Variants in KLHDC4 observed in about 807,000 individuals in gnomAD.
The protein encoded by KLHDC4 is kelch domain-containing protein 4.
Under a neutral mutation model 62.4 loss-of-function variants are expected in KLHDC4, and 90 were observed. That is an observed-to-expected ratio of 1.44 (90% CI 1.22 to 1.72). The LOEUF is 1.72. Ranked by LOEUF, KLHDC4 falls within the 40% of genes most tolerant of loss-of-function variation. The probability of loss-of-function intolerance (pLI) is 0.00; values close to 1 mark genes in which losing one functional copy is unlikely to be tolerated. For missense variants in KLHDC4, 1,025 were observed against 699.7 expected (o/e 1.47, Z -5.25); for synonymous variants, 386 against 284.4 (o/e 1.36, Z -3.59).
intron 7 of KLHDC4, among the ~76,000 whole-genome samples, chr16:87,725,853 C>G (rs2039275652): frequency 2.0e-5 from 3 of 152,150 alleles, no homozygotes; most frequent in Non-Finnish European, 4.4e-5. Context: ...GCACTGTTCT[C>G]AGGTTACCAA....
At position 87,755,296 on chromosome 16, in the gene KLHDC4, C is replaced by T. The variant is rs745374592; in HGVS notation, c.271-4G>A. On this transcript the variant is annotated splice_region_variant and splice_polypyrimidine_tract_variant and intron_variant, in intron 3 of 11. Coordinates refer to ENST00000270583, the MANE Select transcript of KLHDC4 (RefSeq NM_017566.4). The stretch of plus-strand genomic sequence containing the variant: ...AGAGCTCGTTATACAAAAAAGTCTA[C>T]AGGAAGGAAGAAGAATGTCAGTGTC... 3 of 1,530,118 alleles carry T rather than the reference C, an allele frequency of 2.0e-6. No homozygotes were observed. The highest frequency in any genetic ancestry group is 2.7e-5 in the African/African-American group (2 of 73,140). 94.8% of individuals were successfully genotyped at this position (1,530,118 alleles called of 1,614,324 possible). A position where few individuals can be genotyped will look rare whatever the true frequency, so the allele number is the denominator to read the frequency against.
At chr16:87,719,168 G>C (rs1002254299) in intron 7 of KLHDC4, among the ~76,000 whole-genome samples, 2 of 152,262 alleles carry the variant, frequency 1.3e-5, no homozygotes, top group African/African-American at 2.4e-5. Context: ...TCTGGGAGGA[G>C]TACCCAACAG....
At chr16:87,752,338 CT>C (rs564903141) in intron 4 of KLHDC4, among the ~76,000 whole-genome samples, 48,578 of 132,848 alleles carry the variant, frequency 0.37, 8,115 homozygotes, top group South Asian at 0.5. Flanking sequence ...ACTGTTTTTT[CT>C]TTTTTTTTTT....
chr16:87,754,898 G>A (rs2044617877), intron 4 of KLHDC4, among the ~76,000 whole-genome samples: 1 of 152,170 alleles, frequency 6.6e-6, no homozygotes, highest in Non-Finnish European at 1.5e-5. Context: ...TCCAGACCGT[G>A]GGCCTAGGGG....
chr16:87,732,815 G>C (rs1388037841), intron 5 of KLHDC4, among the ~76,000 whole-genome samples: 2 of 152,012 alleles, frequency 1.3e-5, no homozygotes, highest in African/African-American at 2.4e-5. Flanking sequence ...GCTTCTACAG[G>C]TGAAAAGGCA....
Position 87,722,403 on chromosome 16 carries a change from CAGGTCCAGCCCCA to C in KLHDC4, c.759+4349_759+4361del, listed in dbSNP as rs2038563170. Among the ~76,000 whole-genome samples, 3 of 152,296 alleles carry C rather than the reference CAGGTCCAGCCCCA, an allele frequency of 2.0e-5. No individual in the cohort carries two copies. In the South Asian group the frequency reaches 6.2e-4, roughly 32 times the overall value. ...CTGTGAGTTCCTCTTAATCTACAGG[CAGGTCCAGCCCCA>C]AGGTCAAGGCTCTGAGCACTACTGT... On this transcript the variant is annotated intron_variant, in intron 7 of 11. Coordinates refer to ENST00000270583, the MANE Select transcript of KLHDC4 (RefSeq NM_017566.4).
intron 6 of KLHDC4, chr16:87,729,347 CAATT>C (rs1408637122): frequency 3.9e-5 from 6 of 152,176 alleles, no homozygotes; most frequent in Middle Eastern, 3.2e-3. Context: ...TCACATCAAT[CAATT>C]GCCATGCTGG....
At chr16:87,714,190 G>C (rs570624526) in intron 8 of KLHDC4, among the ~76,000 whole-genome samples, 95 of 152,286 alleles carry the variant, frequency 6.2e-4, no homozygotes, top group African/African-American at 2.2e-3. Flanking sequence ...CCCTTGGAGG[G>C]GCCCATCAGG....
At chr16:87,742,519 A>C (rs1597255755) in intron 5 of KLHDC4, among the ~76,000 whole-genome samples, 1 of 152,186 alleles carries the variant, frequency 6.6e-6, no homozygotes, top group Non-Finnish European at 1.5e-5. Flanking sequence ...TCCACCAGTC[A>C]CAGAGGCTGA....
intron 6 of KLHDC4, among the ~76,000 whole-genome samples, chr16:87,729,592 A>G (rs2039978478): frequency 1.3e-5 from 2 of 152,242 alleles, no homozygotes; most frequent in African/African-American, 4.8e-5. Flanking sequence ...GCTCAAGAAG[A>G]TAACGTGAGC....
At chr16:87,714,305 T>A (rs1457331090) in intron 8 of KLHDC4, 193 bp downstream of exon 8, 1 of 839,704 alleles carries the variant, frequency 1.2e-6, no homozygotes, top group Admixed American at 6.2e-5. Context: ...CAAAGGTGAT[T>A]GCCCAGCAGA....
intron 2 of KLHDC4, 46 bp from the exon 3 acceptor site, chr16:87,756,523 C>T (rs752049206): frequency 7.2e-7 from 1 of 1,396,874 alleles, no homozygotes; most frequent in South Asian, 1.2e-5. Flanking sequence ...CCCCCGATAC[C>T]CACCTGAGCG....
intron 5 of KLHDC4, among the ~76,000 whole-genome samples, chr16:87,741,326 C>T (rs1272906320): frequency 1.3e-5 from 2 of 152,166 alleles, no homozygotes; most frequent in South Asian, 2.1e-4. Context: ...AGGTCCATGG[C>T]CTGTTAGGAA....
chr16:87,698,328 G>A (rs1236673887), exon 1 of KLHDC4: 2 of 152,144 alleles, frequency 1.3e-5, no homozygotes, highest in East Asian at 3.8e-4. Context: ...AGTAGCAAGT[G>A]GTTGCTGCAG....
intron 1 of KLHDC4, chr16:87,763,467 A>T (rs2046175122): frequency 6.6e-6 from 1 of 152,120 alleles, no homozygotes; most frequent in Admixed American, 6.6e-5. Flanking sequence ...AGCCGGCCAC[A>T]GTGGCGCACA....
At chr16:87,715,615 G>A (rs1461612930) in intron 7 of KLHDC4, among the ~76,000 whole-genome samples, 1 of 152,130 alleles carries the variant, frequency 6.6e-6, no homozygotes, top group Non-Finnish European at 1.5e-5. Flanking sequence ...TTTATAGAGT[G>A]CCCCTCTACT....
At position 87,709,517 on chromosome 16, in the gene KLHDC4, T is replaced by C. The variant is rs752834650; in HGVS notation, c.1195A>G (p.Lys399Glu). 8 of 1,612,312 alleles carry C rather than the reference T, an allele frequency of 5.0e-6. No homozygotes were observed. Among genetic ancestry groups the C allele is most frequent in the Non-Finnish European group, 6.8e-6 (8 of 1,179,956 alleles). ...GAGCCTGGCGCGGTGAGCACCTGCT[T>C]AATGGTGACCACGGTGCCATCCTCG... ...VAEDGTVVTI[K>E]QVLTAPGSAG... is the part of the protein sequence containing the mutation. Residue 399 changes from lysine to glutamate, a missense_variant, in exon 10 of 12, where the codon AAG becomes GAG. Transcript: ENST00000270583.
chr16:87,756,322 G>C (rs2044888383), intron 3 of KLHDC4, 77 bp downstream of exon 3: 8 of 1,114,080 alleles, frequency 7.2e-6, no homozygotes, highest in Non-Finnish European at 1.1e-5. Flanking sequence ...CATATTTGAT[G>C]TCACTGCCTT....
chr16:87,737,106 CAAA>C (rs55787836), intron 5 of KLHDC4, among the ~76,000 whole-genome samples: 2 of 64,824 alleles, frequency 3.1e-5, no homozygotes, highest in South Asian at 8.9e-4. Context: ...GCCTGGGCGA[CAAA>C]AAAAAAAAAA....
Sources: gnomAD v4.1 joint callset for allele counts (sites outside exome capture counted in the v4.1 genomes callset) on GRCh38, gnomAD v4.1.1 for gene constraint, MANE v1.5 for transcripts, NCBI Gene and HGNC (gene_info 2026-07-23, HGNC 2026-07-21) for gene names.